ODAD3: variants seen among roughly 807,000 people sequenced by gnomAD.
The protein encoded by ODAD3 is outer dynein arm docking complex subunit 3.
A neutral mutation model predicts 70.9 loss-of-function variants in ODAD3; 57 were observed. The observed-to-expected ratio is 0.80, with a 90% CI of 0.65 to 1.00. The LOEUF (loss-of-function observed/expected upper bound fraction) is 1.00, where lower values mean the gene tolerates loss of function less well. ODAD3 is among the 50% of genes least tolerant of loss of function. The probability of loss-of-function intolerance (pLI) is 0.00; values close to 1 mark genes in which losing one functional copy is unlikely to be tolerated. For synonymous variants in ODAD3, 327 were observed against 315.9 expected (o/e 1.04, Z -0.37); for missense variants, 797 against 763.9 (o/e 1.04, Z -0.51).
intron 1 of ODAD3, 103 bp downstream of exon 1, chr19:11,434,670 C>T (rs1969613053): frequency 1.4e-6 from 2 of 1,436,836 alleles, no homozygotes; most frequent in Non-Finnish European, 1.9e-6. Context: ...TGCCCAGAAA[C>T]GGTTTACCTA....
chr19:11,422,565 T>C lies in ODAD3; in HGVS notation c.1340A>G (p.Glu447Gly), dbSNP rs1969164118. 6.3e-7 allele frequency: 1 copy of C among 1,590,854 alleles called. No homozygotes were observed. The highest frequency in any genetic ancestry group is 1.3e-5 in the African/African-American group (1 of 74,820). Residue 447 changes from glutamate to glycine, a missense_variant, in exon 10 of 13, where the codon GAG becomes GGG. Physicochemically the swap from Glu to Gly is moderately conservative, Grantham distance 98 (BLOSUM62 -2). Coordinates refer to ENST00000356392, the MANE Select transcript of ODAD3 (RefSeq NM_145045.5). This position sits in a 1 kb window ranked among gnomAD's most constrained non-coding sequence, Gnocchi z 4.6. ...RLKKEERRHAEAKDQLERALR... is the reference protein window; with the variant it reads ...RLKKEERRHAGAKDQLERALR... ...GGCGCGCTCCAGCTGGTCCTTGGCC[T>C]CGGCGTGCCGCCGCTCCTCCTTCTT...
upstream of ODAD3, chr19:11,435,656 G>C (rs754181454): frequency 3.1e-5 from 40 of 1,288,724 alleles, 1 homozygote; most frequent in South Asian, 4.9e-4. Flanking sequence ...AGGAACCGCG[G>C]CTGCTGGACA....
Position 11,425,190 on chromosome 19 carries a change from T to C in ODAD3, c.963+954A>G, listed in dbSNP as rs982320391. 3.0e-5 allele frequency among the ~76,000 whole-genome samples: 4 copies of C among 131,880 alleles called. 1 individual carries two copies. Among genetic ancestry groups the C allele is most frequent in the Non-Finnish European group, 4.5e-5 (3 of 66,050 alleles). 86.5% of individuals were successfully genotyped at this position (131,880 alleles called of 152,430 possible). A position where few individuals can be genotyped will look rare whatever the true frequency, so the allele number is the denominator to read the frequency against. ...GTGTATATGTACATATGTGTATATA[T>C]ACATATGTGTATGTGTACATATGTG... is the stretch of plus-strand genomic sequence containing the variant. On this transcript the variant is annotated intron_variant, in intron 7 of 12. Coordinates refer to ENST00000356392, the MANE Select transcript of ODAD3 (RefSeq NM_145045.5).
At chr19:11,428,448 G>T (rs909484376) in intron 3 of ODAD3, among the ~76,000 whole-genome samples, 6 of 152,160 alleles carry the variant, frequency 3.9e-5, no homozygotes, top group Non-Finnish European at 7.3e-5. Flanking sequence ...TCATCATGTT[G>T]CCCAGGCTGG....
rs774998681 is a variant in ODAD3 at position 11,422,798 on chromosome 19, C to T, written c.1180G>A (p.Glu394Lys). ...AGCCTCACCAACGTCTGCTCGTTCTCGCTCTTGAGCGTCTCCAACTGCGCG... is the reference window on the plus strand; with the variant it reads ...AGCCTCACCAACGTCTGCTCGTTCTTGCTCTTGAGCGTCTCCAACTGCGCG... ...TFAQLETLKS[E>K]NEQTLVRLKQ... is the part of the protein sequence containing the mutation. Residue 394 changes from glutamate (E) to lysine (K), a missense_variant, in exon 9 of 13, where the codon GAG becomes AAG. By Grantham distance (56) the Glu-to-Lys change is moderately conservative. Transcript: ENST00000356392. This position sits in a 1 kb window ranked among gnomAD's most constrained non-coding sequence, Gnocchi z 4.6. 2 of 1,610,038 alleles carry T rather than the reference C, an allele frequency of 1.2e-6. No individual in the cohort carries two copies. Among genetic ancestry groups the T allele is most frequent in the East Asian group, 2.2e-5 (1 of 44,876 alleles).
Position 11,422,912 on chromosome 19 carries a change from C to T in ODAD3, c.1117-51G>A. 6.4e-7 allele frequency: 1 copy of T among 1,569,936 alleles called. No individual in the cohort carries two copies. On this transcript the variant is annotated intron_variant, in intron 8 of 12. Transcript: ENST00000356392. The surrounding 1 kb of genome is among the most constrained non-coding windows in gnomAD (Gnocchi z 4.6). ...AGCCAGGGCCTAGGGAGCGTAGGGG[C>T]GCTCCACCTCCTCTCCCCCACCCTG...
rs996181868 is a variant in ODAD3 at position 11,434,833 on chromosome 19, C to T, written c.184G>A (p.Ala62Thr). 6.2e-7 allele frequency: 1 copy of T among 1,614,202 alleles called. No individual in the cohort carries two copies. The change falls in exon 1 of 13, where the codon GCA becomes ACA. Residue 62 changes from alanine to threonine, a missense_variant. Physicochemically the swap from Ala to Thr is moderately conservative, Grantham distance 58 (BLOSUM62 0). Transcript: ENST00000356392. ...TGAGAGTGCACAGAGGGCTTCCCTG[C>T]ACCTCTGTGGAAGGATCCTCCCTTG... is the stretch of plus-strand genomic sequence containing the variant. ...RSKGGSFHRG[A>T]GKPSVHSQVA...
rs751713946 is a variant in ODAD3, at chr19:11,421,084, T to A, written c.1675+44A>T. 155 of 1,603,694 alleles carry A rather than the reference T, an allele frequency of 9.7e-5. 1 individual carries two copies. The highest frequency in any genetic ancestry group is 2.2e-5 in the East Asian group (1 of 44,614). ...ATCTGACAACCTCCTGCTACCCAGC[T>A]TGGGGCCCCAACCGCACCCCTTCAT... On this transcript the variant is annotated intron_variant, in intron 12 of 12. Transcript: ENST00000356392.
chr19:11,432,875 C>A (rs1969531931), intron 1 of ODAD3, among the ~76,000 whole-genome samples: 1 of 151,972 alleles, frequency 6.6e-6, no homozygotes, highest in African/African-American at 2.4e-5. Flanking sequence ...CTCACCGCAA[C>A]CTCCACCTCC....
At chr19:11,430,619 G>A in intron 3 of ODAD3, 80 bp downstream of exon 3, 6 of 1,308,752 alleles carry the variant, frequency 4.6e-6, no homozygotes, top group Non-Finnish European at 6.7e-6. Context: ...AGGAAGGATT[G>A]GAGAGGGTGA....
chr19:11,424,177 G>T, intron 7 of ODAD3, 148 bp from the exon 8 acceptor site: 1 of 1,005,584 alleles, frequency 9.9e-7, no homozygotes, highest in Non-Finnish European at 1.5e-6. Context: ...GCCAGATAAA[G>T]GCACCCGGGC....
At chr19:11,435,158 T>C, upstream of ODAD3, 3 of 1,437,344 alleles carry the variant, frequency 2.1e-6, no homozygotes, top group South Asian at 2.9e-5. Flanking sequence ...TCCGCATCTC[T>C]CGGTTGCCAG....
chr19:11,430,860 C>G, intron 2 of ODAD3, 39 bp downstream of exon 2: 3 of 1,613,950 alleles, frequency 1.9e-6, no homozygotes, highest in East Asian at 4.5e-5. Context: ...CCACCATCCA[C>G]CGCCACGGGA....
rs555541962 is a variant in ODAD3 at position 11,430,082 on chromosome 19, C to T, written c.444+617G>A. ...GTGGCACAACCTCAGCTTACTACAACCTCTGCCTCTTGGGTTCAATGACTT... is the reference window on the plus strand; with the variant it reads ...GTGGCACAACCTCAGCTTACTACAATCTCTGCCTCTTGGGTTCAATGACTT... On this transcript the variant is annotated intron_variant, in intron 3 of 12. Transcript: ENST00000356392. Among the ~76,000 whole-genome samples the T allele has an allele frequency of 2.0e-5, 3 of 152,064 alleles. 1 individual carries two copies. The highest frequency in any genetic ancestry group is 7.2e-5 in the African/African-American group (3 of 41,484).
At chr19:11,425,179 A>G (rs1432562094) in intron 7 of ODAD3, among the ~76,000 whole-genome samples, 5 of 137,622 alleles carry the variant, frequency 3.6e-5, no homozygotes, top group Non-Finnish European at 7.5e-5. Flanking sequence ...ATATGTACAT[A>G]TGTGTATATA....
chr19:11,425,379 G>GTA (rs1969314649), intron 7 of ODAD3, among the ~76,000 whole-genome samples: 2 of 124,306 alleles, frequency 1.6e-5, no homozygotes, highest in African/African-American at 3.8e-5. Flanking sequence ...GTATATATGT[G>GTA]TGTATGTACA....
intron 7 of ODAD3, among the ~76,000 whole-genome samples, chr19:11,424,435 G>A (rs930716851): frequency 2.6e-5 from 4 of 151,076 alleles, no homozygotes; most frequent in Non-Finnish European, 5.9e-5. Context: ...CCAGGAGGTC[G>A]AGACTGCAGT....
rs1043109342 is a variant in ODAD3, at chr19:11,426,130, C to G, written c.963+14G>C. On this transcript the variant is annotated intron_variant, in intron 7 of 12. Coordinates refer to ENST00000356392, the MANE Select transcript of ODAD3 (RefSeq NM_145045.5). Reference sequence around the variant, plus strand: ...GGGCTGGAGTCACAGGCGCGCACCCCTGGGTGCGCCCACCTTGCGCTCCAT... The same window carrying G: ...GGGCTGGAGTCACAGGCGCGCACCCGTGGGTGCGCCCACCTTGCGCTCCAT... The G allele has an allele frequency of 2.5e-6, 4 of 1,602,302 alleles. No individual in the cohort carries two copies. Among genetic ancestry groups the G allele is most frequent in the Middle Eastern group, 1.7e-4 (1 of 6,042 alleles).
intron 1 of ODAD3, among the ~76,000 whole-genome samples, chr19:11,434,212 CA>C (rs1157296691): frequency 1.2e-5 from 1 of 85,998 alleles, no homozygotes. Flanking sequence ...GACCCTGTCT[CA>C]AAAAACAAAA....
Sources: gnomAD v4.1 joint callset for allele counts (sites outside exome capture counted in the v4.1 genomes callset) on GRCh38, gnomAD v4.1.1 for gene constraint, Gnocchi (gnomAD v3.1) non-coding constraint, MANE v1.5 for transcripts, NCBI Gene and HGNC (gene_info 2026-07-23, HGNC 2026-07-21) for gene names.